Variants in ASAP3 observed in about 807,000 individuals in gnomAD.
ASAP3 encodes the protein ArfGAP with SH3 domain, ankyrin repeat and PH domain 3.
Under a neutral mutation model 118.2 loss-of-function variants are expected in ASAP3, and 85 were observed. That is an observed-to-expected ratio of 0.72 (90% CI 0.60 to 0.86). ASAP3 has a LOEUF of 0.86. ASAP3 is among the 40% of genes least tolerant of loss of function. The pLI, the probability that ASAP3 is intolerant of heterozygous loss-of-function variation, is 0.00. For missense variants in ASAP3, 1,026 were observed against 1,175.0 expected, an observed-to-expected ratio of 0.87 and a Z score of 1.85; for synonymous variants, 432 against 477.4, an observed-to-expected ratio of 0.90 and a Z score of 1.24.
Position 23,437,026 on chromosome 1 carries a change from G to A in ASAP3, c.1361C>T (p.Thr454Ile). ...CGAADPTWLS[T>I]NLGVLTCIQC... is the part of the protein sequence containing the mutation. The stretch of plus-strand genomic sequence containing the variant: ...GATGCAGGTGAGCACGCCCAGGTTG[G>A]TGCTGAGCCACGTGGGGTCTGCAGA... The change falls in exon 15 of 25, where the codon ACC becomes ATC. Residue 454 changes from threonine (T) to isoleucine (I), a missense_variant. Transcript: ENST00000336689. This position sits in a 1 kb window ranked among gnomAD's most constrained non-coding sequence, Gnocchi z 6.1. The A allele has an allele frequency of 6.2e-7, 1 of 1,611,620 alleles. No homozygotes were observed.
In ASAP3 at chr1:23,434,359, C is replaced by A; in HGVS notation, c.1846G>T (p.Asp616Tyr). The change falls in exon 19 of 25, where the codon GAT (aspartate) becomes TAT (tyrosine). Residue 616 changes from aspartate (D) to tyrosine (Y), a missense_variant. Physicochemically the swap from Asp to Tyr is radical, Grantham distance 160. Transcript: ENST00000336689. Reference sequence around the variant, plus strand: ...GTGTTCCCGTCAGCAGCCTTGGCATCCAGGTGACCACTGGGGAGAGGAGGG... The same window carrying A: ...GTGTTCCCGTCAGCAGCCTTGGCATACAGGTGACCACTGGGGAGAGGAGGG... ...DFIIQNGGHL[D>Y]AKAADGNTAL... The A allele has an allele frequency of 6.2e-7, 1 of 1,614,072 alleles. No homozygotes were observed. The highest frequency in any genetic ancestry group is 1.6e-4 in the Middle Eastern group (1 of 6,062).
At chr1:23,434,859 T>C (rs1456718154) in intron 17 of ASAP3, among the ~76,000 whole-genome samples, 2 of 152,106 alleles carry the variant, frequency 1.3e-5, no homozygotes, top group African/African-American at 4.8e-5. Flanking sequence ...CAAACTTCTT[T>C]CTCAGCTCTC....
chr1:23,477,733 A>C (rs193266301), intron 1 of ASAP3, among the ~76,000 whole-genome samples: 1 of 152,250 alleles, frequency 6.6e-6, no homozygotes, highest in East Asian at 1.9e-4. Flanking sequence ...TTTGTTTTGG[A>C]GACAGGGTCT....
chr1:23,439,005 C>A (rs1640773041), intron 11 of ASAP3, 156 bp downstream of exon 11: 1 of 1,093,434 alleles, frequency 9.1e-7, no homozygotes, highest in Non-Finnish European at 1.3e-6. Flanking sequence ...TAGATTGGGG[C>A]CTTCAGGTCC....
chr1:23,477,639 A>C (rs1642175164), intron 1 of ASAP3, among the ~76,000 whole-genome samples: 1 of 152,146 alleles, frequency 6.6e-6, no homozygotes, highest in Non-Finnish European at 1.5e-5. Context: ...ACCTCAAAGA[A>C]GGCCTTGACG....
At position 23,436,754 on chromosome 1, in the gene ASAP3, C is replaced by G. The variant is rs1490827894; in HGVS notation, c.1477-100G>C. The G allele has an allele frequency of 3.2e-6, 5 of 1,559,810 alleles. No individual in the cohort carries two copies. The highest frequency in any genetic ancestry group is 4.4e-6 in the Non-Finnish European group (5 of 1,145,136). The stretch of plus-strand genomic sequence containing the variant: ...CCCCCAGAGTCCCGCCCCTCGGCCG[C>G]CCTCCCGGTTCAGGCCCCGCCCCTG... On this transcript the variant is annotated intron_variant, in intron 15 of 24. Coordinates refer to ENST00000336689, the MANE Select transcript of ASAP3 (RefSeq NM_017707.4). This position sits in a 1 kb window ranked among gnomAD's most constrained non-coding sequence, Gnocchi z 4.2.
At chr1:23,473,974 C>T (rs1184375737) in intron 1 of ASAP3, among the ~76,000 whole-genome samples, 20 of 72,106 alleles carry the variant, frequency 2.8e-4, no homozygotes, top group Admixed American at 2.0e-3. Context: ...TAAATCTGCT[C>T]TTTTTTTTTT....
chr1:23,470,109 A>G (rs1178017996), intron 1 of ASAP3, among the ~76,000 whole-genome samples: 1 of 152,180 alleles, frequency 6.6e-6, no homozygotes, highest in Admixed American at 6.5e-5. Flanking sequence ...TCTGCCATTA[A>G]GCCCTCAGTG....
Position 23,442,283 on chromosome 1 carries a change from G to T in ASAP3, c.586-12C>A, listed in dbSNP as rs755074131. On this transcript the variant is annotated splice_polypyrimidine_tract_variant and intron_variant, in intron 6 of 24. Coordinates refer to ENST00000336689, the MANE Select transcript of ASAP3 (RefSeq NM_017707.4). ...GCTTTGAGCAGATACTAGGAGGAGGGCAGGGCAAGATACGTGATGTGAGCT... is the reference window on the plus strand; with the variant it reads ...GCTTTGAGCAGATACTAGGAGGAGGTCAGGGCAAGATACGTGATGTGAGCT... The T allele has an allele frequency of 2.5e-6, 4 of 1,598,336 alleles. No homozygotes were observed. In the South Asian group the frequency reaches 4.5e-5, roughly 18 times the overall value.
Position 23,438,759 on chromosome 1 carries a change from C to A in ASAP3, c.1090G>T (p.Asp364Tyr), listed in dbSNP as rs747558021. The change falls in exon 12 of 25, where the codon GAC (aspartate) becomes TAC (tyrosine). Residue 364 changes from aspartate to tyrosine, a missense_variant. Physicochemically the swap from Asp to Tyr is radical, Grantham distance 160. Coordinates refer to ENST00000336689, the MANE Select transcript of ASAP3 (RefSeq NM_017707.4). This position sits in a 1 kb window ranked among gnomAD's most constrained non-coding sequence, Gnocchi z 4.9. Reference sequence around the variant, plus strand: ...AGGGACCACTCACGGGTCACCAGGTCGAAGCACTTTTTCTCCTCAGGGTTT... The same window carrying A: ...AGGGACCACTCACGGGTCACCAGGTAGAAGCACTTTTTCTCCTCAGGGTTT... ...RPNPEEKKCF[D>Y]LVTHNRTYHF... 5.6e-6 allele frequency: 9 copies of A among 1,614,052 alleles called. No individual in the cohort carries two copies. The Admixed American group carries it at 1.5e-4, about 27-fold the overall frequency.
In ASAP3 at chr1:23,429,732, G is replaced by A. The variant is rs931106847; in HGVS notation, c.*124C>T. 1 of 970,838 alleles carries A rather than the reference G, an allele frequency of 1.0e-6. No individual in the cohort carries two copies. The highest frequency in any genetic ancestry group is 1.6e-5 in the African/African-American group (1 of 60,630). 60.1% of individuals were successfully genotyped at this position (970,838 alleles called of 1,614,324 possible). A position where few individuals can be genotyped will look rare whatever the true frequency, so the allele number is the denominator to read the frequency against. On this transcript the variant is annotated 3_prime_UTR_variant, in exon 25 of 25. Coordinates refer to ENST00000336689, the MANE Select transcript of ASAP3 (RefSeq NM_017707.4). ...TGGCAGGAAGAAGGCCAGCTACAGA[G>A]GCACAAGGGACAGAGAGAGTGAGAT...
intron 1 of ASAP3, among the ~76,000 whole-genome samples, chr1:23,465,312 G>C (rs1055436351): frequency 6.6e-6 from 1 of 152,214 alleles, no homozygotes; most frequent in African/African-American, 2.4e-5. Flanking sequence ...CTGCCGCCGG[G>C]CAGGGAGAGT....
intron 3 of ASAP3, among the ~76,000 whole-genome samples, chr1:23,454,002 C>A (rs1032111474): frequency 1.3e-5 from 2 of 152,128 alleles, no homozygotes; most frequent in African/African-American, 4.8e-5. Context: ...AAGAAGGACA[C>A]TAATTCAATT....
intron 1 of ASAP3, chr1:23,479,907 G>A (rs961182869): frequency 6.6e-6 from 1 of 152,240 alleles, no homozygotes; most frequent in African/African-American, 2.4e-5. Context: ...GAGCATAGTG[G>A]CTCACGCCTG....
intron 1 of ASAP3, among the ~76,000 whole-genome samples, chr1:23,469,843 A>G (rs1641903212): frequency 6.6e-6 from 1 of 152,074 alleles, no homozygotes; most frequent in Admixed American, 6.5e-5. Context: ...AAACGCAGAG[A>G]CCTCTGCCTC....
At chr1:23,454,546 T>C (rs1641324251) in intron 3 of ASAP3, among the ~76,000 whole-genome samples, 1 of 151,558 alleles carries the variant, frequency 6.6e-6, no homozygotes, top group South Asian at 2.1e-4. Context: ...CTAGAGCTTC[T>C]GGGCTCAAGC....
chr1:23,475,846 T>C (rs1481794835), intron 1 of ASAP3, among the ~76,000 whole-genome samples: 1 of 152,092 alleles, frequency 6.6e-6, no homozygotes, highest in East Asian at 1.9e-4. Context: ...TGGTGGCATG[T>C]GCCTGTGGAA....
chr1:23,436,792 C>G lies in ASAP3; in HGVS notation c.1476+119G>C. The G allele has an allele frequency of 6.5e-7, 1 of 1,543,840 alleles. No homozygotes were observed. On this transcript the variant is annotated intron_variant, in intron 15 of 24. Coordinates refer to ENST00000336689, the MANE Select transcript of ASAP3 (RefSeq NM_017707.4). This position sits in a 1 kb window ranked among gnomAD's most constrained non-coding sequence, Gnocchi z 4.2. ...GGCCCCGCCCCTGACCACCCGCTAC[C>G]TGGCTTGTCCCAGCCCACCTCGGCC...
chr1:23,483,188 C>A (rs986326940), intron 1 of ASAP3, among the ~76,000 whole-genome samples: 4 of 152,190 alleles, frequency 2.6e-5, no homozygotes, highest in African/African-American at 9.7e-5. Flanking sequence ...AAGGCTAGAG[C>A]CGTTGCTGAG....
Sources: gnomAD v4.1 joint callset for allele counts (sites outside exome capture counted in the v4.1 genomes callset) on GRCh38, gnomAD v4.1.1 for gene constraint, Gnocchi (gnomAD v3.1) non-coding constraint, MANE v1.5 for transcripts, NCBI Gene and HGNC (gene_info 2026-07-23, HGNC 2026-07-21) for gene names.